The following ANK3 variants were observed in gnomAD, a reference collection of about 807,000 sequenced individuals.
ANK3 encodes the protein ankyrin 3, also known as ankyrin-3.
ANK3 carries 57 observed loss-of-function variants against 370.9 expected under a neutral mutation model. The observed-to-expected ratio is 0.15, with a 90% CI of 0.12 to 0.19. The LOEUF (loss-of-function observed/expected upper bound fraction) is 0.19, where lower values mean the gene tolerates loss of function less well. Among genes scored for constraint, ANK3 ranks in the 10% least tolerant of loss-of-function variants. ANK3 has a pLI of 1.00. For synonymous variants in ANK3, 1,929 were observed against 1,946.3 expected (o/e 0.99, Z 0.23); for missense variants, 4,439 against 5,302.1 (o/e 0.84, Z 5.06).
intron 8 of ANK3, among the ~76,000 whole-genome samples, chr10:60,222,601 C>G (rs1565789363): frequency 6.6e-6 from 1 of 152,190 alleles, no homozygotes; most frequent in Non-Finnish European, 1.5e-5. Flanking sequence ...ATGATCTTCA[C>G]TAACTGTCAT....
intron 2 of ANK3, among the ~76,000 whole-genome samples, chr10:60,410,114 G>A (rs2063529743): frequency 6.6e-6 from 1 of 151,898 alleles, no homozygotes; most frequent in Non-Finnish European, 1.5e-5. Flanking sequence ...TAGGTTTCAC[G>A]GTATCACACA....
At chr10:60,405,038 G>A (rs1222701398) in intron 2 of ANK3, among the ~76,000 whole-genome samples, 1 of 152,164 alleles carries the variant, frequency 6.6e-6, no homozygotes, top group Non-Finnish European at 1.5e-5. Flanking sequence ...ATGTTGGCAA[G>A]GATGTAAAAC....
chr10:60,102,219 C>G (rs1044343986), intron 28 of ANK3, among the ~76,000 whole-genome samples: 2 of 150,436 alleles, frequency 1.3e-5, no homozygotes, highest in African/African-American at 4.9e-5. Flanking sequence ...ACCCCTATGT[C>G]TTACAGGCCA....
intron 1 of ANK3, among the ~76,000 whole-genome samples, chr10:60,326,998 C>T (rs752459132): frequency 2.7e-5 from 4 of 146,058 alleles, no homozygotes; most frequent in African/African-American, 8.2e-5. Flanking sequence ...CCAGCCTGGG[C>T]GACCGAGACT....
intron 2 of ANK3, among the ~76,000 whole-genome samples, chr10:60,528,541 C>T (rs1313981670): frequency 6.6e-6 from 1 of 152,038 alleles, no homozygotes; most frequent in Admixed American, 6.6e-5. Flanking sequence ...TTTTACAAAC[C>T]AAAATATTTG....
chr10:60,303,051 G>A (rs1473801877), intron 1 of ANK3, among the ~76,000 whole-genome samples: 3 of 152,092 alleles, frequency 2.0e-5, no homozygotes, highest in Non-Finnish European at 4.4e-5. Context: ...GTATACAAAA[G>A]TTAACTCAAA....
intron 6 of ANK3, 31 bp downstream of exon 6, chr10:60,263,804 G>A (rs1488705637): frequency 6.2e-7 from 1 of 1,611,672 alleles, no homozygotes; most frequent in Non-Finnish European, 8.5e-7. Context: ...CCGGAGAGTT[G>A]CATGACAGGC....
At chr10:60,188,933 A>G (rs2096409951) in intron 16 of ANK3, among the ~76,000 whole-genome samples, 1 of 152,176 alleles carries the variant, frequency 6.6e-6, no homozygotes, top group Non-Finnish European at 1.5e-5. Flanking sequence ...TAAAAGAGAA[A>G]ATTCACAAAG....
At chr10:60,601,954 A>T (rs1408962934) in intron 2 of ANK3, among the ~76,000 whole-genome samples, 2 of 152,192 alleles carry the variant, frequency 1.3e-5, no homozygotes, top group Admixed American at 6.6e-5. Context: ...AGTACAGCGT[A>T]TATAGATGCA....
intron 1 of ANK3, among the ~76,000 whole-genome samples, chr10:60,351,005 A>G (rs2056749623): frequency 6.6e-6 from 1 of 150,412 alleles, no homozygotes; most frequent in South Asian, 2.2e-4. Flanking sequence ...AAAACCAGAC[A>G]ATACCATTCA....
intron 2 of ANK3, among the ~76,000 whole-genome samples, chr10:60,440,566 G>T (rs1308634342): frequency 1.3e-5 from 2 of 152,038 alleles, no homozygotes; most frequent in Non-Finnish European, 2.9e-5. Context: ...CTCCCATCAG[G>T]TTTTTCCCTC....
intron 1 of ANK3, among the ~76,000 whole-genome samples, chr10:60,640,691 G>A (rs1426434549): frequency 1.3e-5 from 1 of 78,626 alleles, no homozygotes; most frequent in Non-Finnish European, 2.9e-5. Context: ...CATACTGAAT[G>A]GGCAAAAACT....
At chr10:60,699,641 G>C (rs1421628154) in intron 1 of ANK3, among the ~76,000 whole-genome samples, 1 of 151,800 alleles carries the variant, frequency 6.6e-6, no homozygotes, top group Non-Finnish European at 1.5e-5. Flanking sequence ...TTTAAAATTA[G>C]TATAAAAATA....
chr10:60,388,169 T>A (rs988891285), intron 1 of ANK3, among the ~76,000 whole-genome samples: 1 of 152,212 alleles, frequency 6.6e-6, no homozygotes, highest in Non-Finnish European at 1.5e-5. Flanking sequence ...TGTATTTTTA[T>A]GAAAATATAT....
chr10:60,198,354 A>C lies in ANK3; in HGVS notation c.1675T>G (p.Ser559Ala), dbSNP rs1328213193. The change falls in exon 14 of 44, where the codon TCT (serine) becomes GCT (alanine). Residue 559 changes from serine to alanine, a missense_variant. Ser to Ala is a moderately conservative substitution (Grantham distance 99). Coordinates refer to ENST00000280772, the MANE Select transcript of ANK3 (RefSeq NM_020987.5). ...TGCTTTCATACCTTTGTTGTTATAGATAAAGACGCTCCATGATCCAAAAGG... is the reference window on the plus strand; with the variant it reads ...TGCTTTCATACCTTTGTTGTTATAGCTAAAGACGCTCCATGATCCAAAAGG... ...AFLLDHGASL[S>A]ITTKKGFTPL... 3.1e-6 allele frequency: 5 copies of C among 1,614,104 alleles called. No individual in the cohort carries two copies. In the East Asian group the frequency reaches 8.9e-5, roughly 29 times the overall value.
chr10:60,411,150 G>A (rs993392553), intron 2 of ANK3, among the ~76,000 whole-genome samples: 2 of 152,180 alleles, frequency 1.3e-5, no homozygotes, highest in Non-Finnish European at 2.9e-5. Context: ...GGACTGTGAC[G>A]TGAACCAGAA....
At chr10:60,434,823 C>T (rs760254958) in intron 2 of ANK3, among the ~76,000 whole-genome samples, 46 of 152,218 alleles carry the variant, frequency 3.0e-4, no homozygotes, top group Non-Finnish European at 5.6e-4. Flanking sequence ...TTTTTCAGAG[C>T]ATTCTCCAAA....
chr10:60,196,659 T>C (rs535990633), intron 14 of ANK3, 34 bp from the exon 15 acceptor site: 106 of 1,388,182 alleles, frequency 7.6e-5, no homozygotes, highest in Non-Finnish European at 1.0e-4. Flanking sequence ...TAATGAACAA[T>C]AGAAATGACA....
intron 1 of ANK3, among the ~76,000 whole-genome samples, chr10:60,360,598 A>G (rs998604351): frequency 1.3e-5 from 2 of 152,132 alleles, no homozygotes; most frequent in African/African-American, 4.8e-5. Flanking sequence ...AGTTCCAGCT[A>G]CTGGGAAGGC....
Sources: gnomAD v4.1 joint callset for allele counts (sites outside exome capture counted in the v4.1 genomes callset) on GRCh38, gnomAD v4.1.1 for gene constraint, MANE v1.5 for transcripts, NCBI Gene and HGNC (gene_info 2026-07-23, HGNC 2026-07-21) for gene names.